ZMYM4: variants seen among roughly 807,000 people sequenced by gnomAD.
ZMYM4 encodes the protein zinc finger MYM-type protein 4.
ZMYM4 carries 31 observed loss-of-function variants against 183.2 expected under a neutral mutation model. The ratio of observed to expected loss-of-function variants is 0.17; its 90% CI spans 0.13 to 0.23. The LOEUF (loss-of-function observed/expected upper bound fraction) is 0.23. Among genes scored for constraint, ZMYM4 ranks in the 10% least tolerant of loss-of-function variants. The pLI is 1.00. For synonymous variants in ZMYM4, 592 were observed against 631.2 expected, an observed-to-expected ratio of 0.94 and a Z score of 0.93; for missense variants, 1,273 against 1,840.3, an observed-to-expected ratio of 0.69 and a Z score of 5.64.
chr1:35,326,960 A>G lies in ZMYM4; in HGVS notation c.85+1555A>G, dbSNP rs567388365. 3.3e-5 allele frequency among the ~76,000 whole-genome samples: 5 copies of G among 152,272 alleles called. No homozygotes were observed. In the East Asian group the frequency reaches 9.6e-4, roughly 29 times the overall value. Reference sequence around the variant, plus strand: ...CTGCAACCTCTGCCTCACAGGTTCAAGTGATTCTCCTGTGTCAGCCTCCTG... The same window carrying G: ...CTGCAACCTCTGCCTCACAGGTTCAGGTGATTCTCCTGTGTCAGCCTCCTG... On this transcript the variant is annotated intron_variant, in intron 2 of 29. Transcript: ENST00000314607.
intron 5 of ZMYM4, among the ~76,000 whole-genome samples, chr1:35,367,085 T>G (rs572721970): frequency 1.3e-5 from 2 of 151,860 alleles, no homozygotes; most frequent in South Asian, 4.2e-4. Flanking sequence ...ATATCAATGG[T>G]TAGGTTATGA....
chr1:35,414,539 T>C lies in ZMYM4; in HGVS notation c.4060+456T>C, dbSNP rs545633102. ...AGGTGAATGAAGAGGTTCAATGTTA[T>C]GCTTAGTAATATATGCACCTTTCTG... is the stretch of plus-strand genomic sequence containing the variant. On this transcript the variant is annotated intron_variant, in intron 27 of 29. Transcript: ENST00000314607. 9.2e-5 allele frequency among the ~76,000 whole-genome samples: 14 copies of C among 152,354 alleles called. No homozygotes were observed. In the South Asian group the frequency reaches 1.4e-3, roughly 16 times the overall value.
chr1:35,282,980 GTTTTTTTTTTTTTTTTTTTTT>G (rs775211352), intron 1 of ZMYM4, among the ~76,000 whole-genome samples: 29 of 26,260 alleles, frequency 1.1e-3, no homozygotes, highest in South Asian at 0.01. Context: ...TGTGTGTGTG[GTTTTTTTTTTTTTTTTTTTTT>G]TTTTTTTTTT....
At chr1:35,313,688 C>T (rs1351230783) in intron 1 of ZMYM4, among the ~76,000 whole-genome samples, 2 of 152,066 alleles carry the variant, frequency 1.3e-5, no homozygotes, top group South Asian at 2.1e-4. Flanking sequence ...CTCACCTGGC[C>T]TCTGTCACTT....
chr1:35,396,511 A>ACCC, intron 18 of ZMYM4, 41 bp from the exon 19 acceptor site: 1 of 1,608,212 alleles, frequency 6.2e-7, no homozygotes, highest in Non-Finnish European at 8.5e-7. Flanking sequence ...AGCATTTCTA[A>ACCC]CCCTCTTTGC....
intron 5 of ZMYM4, among the ~76,000 whole-genome samples, chr1:35,369,127 A>G (rs1644151601): frequency 6.6e-6 from 1 of 152,214 alleles, no homozygotes; most frequent in African/African-American, 2.4e-5. Flanking sequence ...AAAAGGAGAT[A>G]TATCTGAGAT....
intron 10 of ZMYM4, among the ~76,000 whole-genome samples, chr1:35,385,802 G>A (rs924048324): frequency 5.9e-5 from 9 of 151,920 alleles, no homozygotes; most frequent in African/African-American, 2.2e-4. Flanking sequence ...ATTTCATATG[G>A]CTTCTTTAAT....
rs1478684080 is a variant in ZMYM4, at chr1:35,297,038, C to T, written c.39+27953C>T. Among the ~76,000 whole-genome samples, 2 of 151,844 alleles carry T rather than the reference C, an allele frequency of 1.3e-5. 1 individual carries two copies. The highest frequency in any genetic ancestry group is 4.2e-4 in the South Asian group (2 of 4,806). ...CTAACGTTTGCATTTTTAGTAGAGA[C>T]GGAGTTTCACCATGTTGGTCAGGCT... On this transcript the variant is annotated intron_variant, in intron 1 of 29. Transcript: ENST00000314607.
chr1:35,379,674 A>G (rs981521431), intron 7 of ZMYM4, among the ~76,000 whole-genome samples: 1 of 152,236 alleles, frequency 6.6e-6, no homozygotes, highest in Non-Finnish European at 1.5e-5. Context: ...CCTCACTAAG[A>G]GTAATCATTT....
intron 1 of ZMYM4, among the ~76,000 whole-genome samples, chr1:35,307,787 G>C (rs1229222488): frequency 6.6e-6 from 1 of 151,608 alleles, no homozygotes; most frequent in Non-Finnish European, 1.5e-5. Context: ...GCCCGCCTCG[G>C]CCTCCCAAAG....
chr1:35,309,783 T>TA (rs548958369), intron 1 of ZMYM4, among the ~76,000 whole-genome samples: 19 of 151,106 alleles, frequency 1.3e-4, no homozygotes, highest in South Asian at 2.1e-4. Flanking sequence ...GACTCTGTCT[T>TA]AAAAAAAAAC....
chr1:35,365,273 A>G (rs1644046081), intron 5 of ZMYM4, among the ~76,000 whole-genome samples: 1 of 142,772 alleles, frequency 7.0e-6, no homozygotes, highest in Admixed American at 7.1e-5. Flanking sequence ...TAGTCTACCA[A>G]TCTTTCTGTA....
chr1:35,407,926 A>T, intron 25 of ZMYM4, 82 bp from the exon 26 acceptor site: 1 of 1,553,814 alleles, frequency 6.4e-7, no homozygotes, highest in Non-Finnish European at 8.8e-7. Flanking sequence ...GGAGCACAGT[A>T]GTGTTCAATG....
chr1:35,339,102 C>T (rs975568970), intron 2 of ZMYM4, among the ~76,000 whole-genome samples: 2 of 152,122 alleles, frequency 1.3e-5, no homozygotes, highest in African/African-American at 4.8e-5. Flanking sequence ...GCAGATTCAA[C>T]CAATCGTGGA....
intron 2 of ZMYM4, among the ~76,000 whole-genome samples, chr1:35,339,260 G>A (rs568449080): frequency 6.6e-6 from 1 of 150,424 alleles, no homozygotes; most frequent in Non-Finnish European, 1.5e-5. Context: ...TTAAGATGGC[G>A]TTTCACTCTT....
At chr1:35,384,874 T>C (rs574573099) in intron 9 of ZMYM4, among the ~76,000 whole-genome samples, 1 of 149,190 alleles carries the variant, frequency 6.7e-6, no homozygotes, top group Non-Finnish European at 1.5e-5. Context: ...TGGAATCTTC[T>C]CATTCTGTCG....
chr1:35,353,982 C>T (rs1643722335), intron 2 of ZMYM4, among the ~76,000 whole-genome samples: 1 of 151,504 alleles, frequency 6.6e-6, no homozygotes, highest in South Asian at 2.1e-4. Context: ...CCCATCTCCA[C>T]AAAAAATTAA....
chr1:35,311,465 A>G (rs2148783150), intron 1 of ZMYM4, among the ~76,000 whole-genome samples: 1 of 151,724 alleles, frequency 6.6e-6, no homozygotes, highest in South Asian at 2.1e-4. Flanking sequence ...ACTGTAGTAT[A>G]TAATGTTTTG....
intron 2 of ZMYM4, among the ~76,000 whole-genome samples, chr1:35,326,722 C>A (rs151134564): frequency 1.3e-5 from 2 of 152,228 alleles, no homozygotes; most frequent in East Asian, 3.9e-4. Context: ...CAGACTGGGA[C>A]AATTTAGACA....
Sources: allele counts gnomAD v4.1 joint callset (sites outside exome capture counted in the v4.1 genomes callset), GRCh38; gene constraint gnomAD v4.1.1; transcripts MANE v1.5; gene names NCBI Gene and HGNC (gene_info 2026-07-23, HGNC 2026-07-21).